The following REEP5 variants were observed in gnomAD, a reference collection of about 807,000 sequenced individuals.
The protein encoded by REEP5 is receptor accessory protein 5.
A neutral mutation model predicts 22.4 loss-of-function variants in REEP5; 24 were observed. The ratio of observed to expected loss-of-function variants is 1.07; its 90% CI spans 0.78 to 1.51. The LOEUF is 1.51. REEP5 is among the 40% of genes most tolerant of loss of function. The probability of loss-of-function intolerance (pLI) is 0.00; values close to 1 mark genes in which losing one functional copy is unlikely to be tolerated. For missense variants in REEP5, 252 were observed against 233.0 expected (o/e 1.08, Z -0.53); for synonymous variants, 103 against 88.6 (o/e 1.16, Z -0.92).
chr5:112,897,144 A>C (rs1046238658), intron 3 of REEP5: 2 of 152,172 alleles, frequency 1.3e-5, no homozygotes, highest in Non-Finnish European at 2.9e-5. Flanking sequence ...TGAAAAAAGC[A>C]AGACACAGAA....
chr5:112,892,238 C>A (rs1444741251), intron 3 of REEP5: 1 of 1,614,012 alleles, frequency 6.2e-7, no homozygotes, highest in African/African-American at 1.3e-5. Flanking sequence ...AATTTCCCAA[C>A]ATCTAGTCCT....
At chr5:112,911,883 G>GA (rs201037807) in intron 2 of REEP5, among the ~76,000 whole-genome samples, 2,099 of 151,076 alleles carry the variant, frequency 0.014, 14 homozygotes, top group Middle Eastern at 0.037. Context: ...TTAAGTACAG[G>GA]AAAAAAATAA....
chr5:112,921,911 C>T lies in REEP5; in HGVS notation c.118+162G>A. 5.6e-6 allele frequency: 5 copies of T among 897,700 alleles called. No individual in the cohort carries two copies. The South Asian group carries it at 1.0e-4, about 18-fold the overall frequency. The allele number at this position is 897,700 out of a possible 1,614,324, so 55.6% of individuals were successfully genotyped here. A position where few individuals can be genotyped will look rare whatever the true frequency, so the allele number is the denominator to read the frequency against. On this transcript the variant is annotated intron_variant, in intron 1 of 4. Transcript: ENST00000379638. ...GCAGCCCCCGCGGGGTCCTCCGATG[C>T]CCACGCTTTCCGGGAGGCCAGCCTG...
At chr5:112,911,307 C>T (rs182670830) in intron 2 of REEP5, among the ~76,000 whole-genome samples, 1 of 152,278 alleles carries the variant, frequency 6.6e-6, no homozygotes, top group Admixed American at 6.5e-5. Context: ...ATTCTTTAGG[C>T]CACTGTAAAT....
At chr5:112,911,797 A>C (rs796714826) in intron 2 of REEP5, among the ~76,000 whole-genome samples, 1 of 152,244 alleles carries the variant, frequency 6.6e-6, no homozygotes, top group Non-Finnish European at 1.5e-5. Flanking sequence ...ACCACTAGCC[A>C]TATCACATAT....
At chr5:112,916,873 TA>T (rs1170588569) in intron 2 of REEP5, among the ~76,000 whole-genome samples, 1 of 152,200 alleles carries the variant, frequency 6.6e-6, no homozygotes, top group African/African-American at 2.4e-5. Context: ...AGCACTTACA[TA>T]ATAGGGTTGT....
intron 2 of REEP5, among the ~76,000 whole-genome samples, chr5:112,920,499 A>C (rs975774075): frequency 1.3e-5 from 2 of 152,212 alleles, no homozygotes; most frequent in African/African-American, 4.8e-5. Context: ...AAATAAACAC[A>C]TTGTAGAATA....
In REEP5 at chr5:112,878,004, TG is replaced by T. The variant is rs1767950454; in HGVS notation, c.*781del. On this transcript the variant is annotated 3_prime_UTR_variant, in exon 5 of 5. Transcript: ENST00000379638. The stretch of plus-strand genomic sequence containing the variant: ...CTCTGTGTGTGTGTGTGTGTGTGTG[TG>T]TGTGTGTGTGTGTGTGTAAATTTCC... 6.8e-6 allele frequency: 1 copy of T among 147,836 alleles called. No individual in the cohort carries two copies. Among genetic ancestry groups the T allele is most frequent in the Admixed American group, 6.9e-5 (1 of 14,448 alleles). 9.2% of individuals were successfully genotyped at this position (147,836 alleles called of 1,614,324 possible). A position where few individuals can be genotyped will look rare whatever the true frequency, so the allele number is the denominator to read the frequency against.
At chr5:112,879,687 A>G (rs1393006934) in intron 4 of REEP5, among the ~76,000 whole-genome samples, 2 of 152,026 alleles carry the variant, frequency 1.3e-5, no homozygotes, top group Non-Finnish European at 2.9e-5. Flanking sequence ...TGTGTTAGCC[A>G]GGATGGTCTC....
chr5:112,900,751 C>T (rs151976), intron 3 of REEP5, among the ~76,000 whole-genome samples: 54,759 of 151,940 alleles, frequency 0.36, 10,164 homozygotes, highest in African/African-American at 0.45. Context: ...CTGGGGCCCC[C>T]TCCATTCCAG....
At chr5:112,913,444 G>A (rs1009675068) in intron 2 of REEP5, among the ~76,000 whole-genome samples, 1 of 150,402 alleles carries the variant, frequency 6.6e-6, no homozygotes, top group East Asian at 2.0e-4. Context: ...AGGCAGTGGA[G>A]TGAGAATAGC....
intron 2 of REEP5, among the ~76,000 whole-genome samples, chr5:112,914,435 G>C (rs551592100): frequency 6.6e-6 from 1 of 151,892 alleles, no homozygotes; most frequent in Non-Finnish European, 1.5e-5. Flanking sequence ...ATGGGGTTTT[G>C]CCATGTTGTC....
intron 4 of REEP5, among the ~76,000 whole-genome samples, chr5:112,883,323 C>A (rs905859596): frequency 2.0e-5 from 3 of 152,120 alleles, no homozygotes; most frequent in Non-Finnish European, 2.9e-5. Flanking sequence ...ATCACTAGTA[C>A]CTTCCTCATT....
intron 4 of REEP5, among the ~76,000 whole-genome samples, chr5:112,881,626 G>A (rs1768078029): frequency 6.6e-6 from 1 of 152,066 alleles, no homozygotes; most frequent in Non-Finnish European, 1.5e-5. Flanking sequence ...GTTCTTCATT[G>A]CCACTTTCAG....
At chr5:112,881,627 C>A (rs918894334) in intron 4 of REEP5, among the ~76,000 whole-genome samples, 1 of 152,148 alleles carries the variant, frequency 6.6e-6, no homozygotes, top group Non-Finnish European at 1.5e-5. Context: ...TTCTTCATTG[C>A]CACTTTCAGA....
In REEP5 at chr5:112,900,072, CAA is replaced by C. The variant is rs1477539012; in HGVS notation, c.351+2306_351+2307del. Reference sequence around the variant, plus strand: ...TTAAAATATCTGCCAGTTTAATGAACAAAATATGGGATTTCACTATTTTAACT... The same window carrying C: ...TTAAAATATCTGCCAGTTTAATGAACAATATGGGATTTCACTATTTTAACT... On this transcript the variant is annotated intron_variant, in intron 3 of 4. Coordinates refer to ENST00000379638, the MANE Select transcript of REEP5 (RefSeq NM_005669.5). 3.3e-5 allele frequency among the ~76,000 whole-genome samples: 5 copies of C among 152,326 alleles called. No individual in the cohort carries two copies. In the East Asian group the frequency reaches 5.8e-4, roughly 18 times the overall value.
intron 2 of REEP5, among the ~76,000 whole-genome samples, chr5:112,911,276 A>C (rs968253175): frequency 2.0e-5 from 3 of 152,222 alleles, no homozygotes; most frequent in Admixed American, 6.5e-5. Flanking sequence ...GACTTCTTAC[A>C]TGAGGTAATT....
intron 3 of REEP5, among the ~76,000 whole-genome samples, chr5:112,899,544 G>C (rs1447167906): frequency 6.6e-6 from 1 of 152,068 alleles, no homozygotes; most frequent in African/African-American, 2.4e-5. Flanking sequence ...ACTATTAATT[G>C]AATGAACCAT....
At chr5:112,905,747 A>G (rs1167614297) in intron 2 of REEP5, among the ~76,000 whole-genome samples, 1 of 151,890 alleles carries the variant, frequency 6.6e-6, no homozygotes, top group Non-Finnish European at 1.5e-5. Context: ...CAGCCTCTCC[A>G]GTAGCTGGGA....
Sources: allele counts gnomAD v4.1 joint callset (sites outside exome capture counted in the v4.1 genomes callset), GRCh38; gene constraint gnomAD v4.1.1; transcripts MANE v1.5; gene names NCBI Gene and HGNC (gene_info 2026-07-23, HGNC 2026-07-21).